The following GFRA2 variants were observed in gnomAD, a reference collection of about 807,000 sequenced individuals.
GFRA2 encodes the protein GDNF family receptor alpha 2.
A neutral mutation model predicts 48.3 loss-of-function variants in GFRA2; 17 were observed. That is an observed-to-expected ratio of 0.35 (90% CI 0.24 to 0.53). The LOEUF (loss-of-function observed/expected upper bound fraction) is 0.53. Ranked by LOEUF, GFRA2 falls within the 20% of genes least tolerant of loss-of-function variation. GFRA2 has a pLI of 0.93. For synonymous variants in GFRA2, 305 were observed against 257.2 expected (o/e 1.19, Z -1.78); for missense variants, 660 against 637.3 (o/e 1.04, Z -0.38).
intron 4 of GFRA2, among the ~76,000 whole-genome samples, chr8:21,730,403 CA>C (rs11327972): frequency 0.63 from 93,885 of 149,550 alleles, 31,238 homozygotes; most frequent in East Asian, 0.77. Context: ...AACTCTGTCT[CA>C]AAAAAAAAAC....
At position 21,788,725 on chromosome 8, in the gene GFRA2, A is replaced by G; in HGVS notation, c.-566T>C. 1.0e-6 allele frequency: 1 copy of G among 985,566 alleles called. No homozygotes were observed. Among genetic ancestry groups the G allele is most frequent in the Non-Finnish European group, 1.2e-6 (1 of 830,040 alleles). 61.1% of individuals were successfully genotyped at this position (985,566 alleles called of 1,614,324 possible). On this transcript the variant is annotated 5_prime_UTR_variant, in exon 1 of 9. Transcript: ENST00000524240. ...GCACCAAGACGAAGACAAGATTCAAAAAAATCTTCTCCCGCTAACCCTTGC... is the reference window on the plus strand; with the variant it reads ...GCACCAAGACGAAGACAAGATTCAAGAAAATCTTCTCCCGCTAACCCTTGC...
At chr8:21,715,583 T>A (rs4078157) in intron 4 of GFRA2, among the ~76,000 whole-genome samples, 2 of 152,004 alleles carry the variant, frequency 1.3e-5, no homozygotes, top group Non-Finnish European at 2.9e-5. Context: ...CAGGTGGTTC[T>A]ATTAAAGGCT....
chr8:21,713,590 C>T (rs1421195136), intron 4 of GFRA2, among the ~76,000 whole-genome samples: 2 of 151,986 alleles, frequency 1.3e-5, no homozygotes, highest in Non-Finnish European at 2.9e-5. Context: ...CAGAAGTCAT[C>T]TAGATTTGCG....
rs2117093909 is a variant in GFRA2, at chr8:21,788,123, G to C, written c.37C>G (p.Leu13Val). 6.4e-7 allele frequency: 1 copy of C among 1,569,792 alleles called. No homozygotes were observed. Among genetic ancestry groups the C allele is most frequent in the South Asian group, 1.1e-5 (1 of 88,302 alleles). ...LANVFCLFFF[L>V]DETLRSLASP... ...CTCGCCGCCCGCAGGTACTCACCTAGAAAGAAGAAGAGGCAGAAGACGTTT... is the reference window on the plus strand; with the variant it reads ...CTCGCCGCCCGCAGGTACTCACCTACAAAGAAGAAGAGGCAGAAGACGTTT... The change falls in exon 1 of 9, where the codon CTA (leucine) becomes GTA (valine). Residue 13 changes from leucine to valine, a missense_variant. By Grantham distance (32) the Leu-to-Val change is conservative. Transcript: ENST00000524240.
Position 21,763,950 on chromosome 8 carries a change from AACACACACACACACACACACACACAC to A in GFRA2, c.439+10996_439+11021del, listed in dbSNP as rs527247743. On this transcript the variant is annotated intron_variant, in intron 3 of 8. Coordinates refer to ENST00000524240, the MANE Select transcript of GFRA2 (RefSeq NM_001495.5). ...CCTGAGCAGCCAAAGGTCACTAGGTAACACACACACACACACACACACACACACACACACACACACACACACACACA... is the reference window on the plus strand; with the variant it reads ...CCTGAGCAGCCAAAGGTCACTAGGTAACACACACACACACACACACACACA... Among the ~76,000 whole-genome samples, 305 of 123,486 alleles carry A rather than the reference AACACACACACACACACACACACACAC, an allele frequency of 2.5e-3. 1 individual carries two copies. The highest frequency in any genetic ancestry group is 5.4e-3 in the African/African-American group (179 of 33,432). The allele number at this position is 123,486 out of a possible 152,430, so 81.0% of individuals were successfully genotyped here.
intron 2 of GFRA2, among the ~76,000 whole-genome samples, chr8:21,782,090 A>C (rs932603780): frequency 1.3e-5 from 2 of 151,832 alleles, no homozygotes; most frequent in Admixed American, 6.5e-5. Context: ...GCAGGGCAGC[A>C]GCCATAGCAG....
Position 21,750,497 on chromosome 8 carries a change from G to A in GFRA2, c.794+91C>T, listed in dbSNP as rs563058699. The A allele has an allele frequency of 1.1e-4, 79 of 694,210 alleles. No homozygotes were observed. The highest frequency in any genetic ancestry group is 1.5e-4 in the Non-Finnish European group (60 of 409,626). The allele number at this position is 694,210 out of a possible 1,614,324, so 43.0% of individuals were successfully genotyped here. On this transcript the variant is annotated intron_variant, in intron 4 of 8. Coordinates refer to ENST00000524240, the MANE Select transcript of GFRA2 (RefSeq NM_001495.5). This position sits in a 1 kb window ranked among gnomAD's most constrained non-coding sequence, Gnocchi z 5.7. ...TCTGCTGGACTCAGGGTCATAATTC[G>A]ATGCACCCAAGGAATGCAGAGAAAG...
At chr8:21,702,355 C>A (rs1802522183) in intron 7 of GFRA2, among the ~76,000 whole-genome samples, 1 of 152,196 alleles carries the variant, frequency 6.6e-6, no homozygotes, top group Non-Finnish European at 1.5e-5. Context: ...ATAACCAGAA[C>A]AGGCACATGC....
intron 4 of GFRA2, among the ~76,000 whole-genome samples, chr8:21,724,422 T>C (rs1182491586): frequency 6.6e-6 from 1 of 152,170 alleles, no homozygotes; most frequent in Non-Finnish European, 1.5e-5. Flanking sequence ...TATGCCAATC[T>C]GTGGCAGTGA....
At chr8:21,807,769 G>A (rs1807899415) in intron 1 of GFRA2, among the ~76,000 whole-genome samples, 1 of 152,186 alleles carries the variant, frequency 6.6e-6, no homozygotes, top group African/African-American at 2.4e-5. Flanking sequence ...TACAAGAAAG[G>A]ATACTGGGAG....
At chr8:21,737,527 G>A (rs936525639) in intron 4 of GFRA2, among the ~76,000 whole-genome samples, 2 of 152,124 alleles carry the variant, frequency 1.3e-5, no homozygotes, top group Non-Finnish European at 2.9e-5. Context: ...AGGAACAGGG[G>A]AGCCCCTGCC....
At chr8:21,724,234 G>A (rs548958717) in intron 4 of GFRA2, among the ~76,000 whole-genome samples, 3 of 152,078 alleles carry the variant, frequency 2.0e-5, no homozygotes, top group Admixed American at 2.0e-4. Context: ...TTGTGTGGGG[G>A]GCCTGGTGTT....
intron 4 of GFRA2, among the ~76,000 whole-genome samples, chr8:21,731,901 G>A (rs2117501869): frequency 6.6e-6 from 1 of 152,338 alleles, no homozygotes; most frequent in African/African-American, 2.4e-5. Flanking sequence ...AGCACCTGAA[G>A]GCATGGCGTA....
intron 4 of GFRA2, among the ~76,000 whole-genome samples, chr8:21,736,457 T>G (rs1376359636): frequency 2.6e-5 from 4 of 152,144 alleles, no homozygotes; most frequent in African/African-American, 9.7e-5. Context: ...TTGAAGATAA[T>G]TTCTAGTTTC....
chr8:21,738,884 C>T (rs149296897), intron 4 of GFRA2, among the ~76,000 whole-genome samples: 19 of 152,332 alleles, frequency 1.2e-4, no homozygotes, highest in Admixed American at 7.8e-4. Context: ...CAGAGCTCCA[C>T]GAAAGGCCTC....
intron 4 of GFRA2, among the ~76,000 whole-genome samples, chr8:21,713,256 A>G (rs1426250439): frequency 6.6e-6 from 1 of 151,790 alleles, no homozygotes; most frequent in African/African-American, 2.4e-5. Context: ...CAGTGGCTCG[A>G]TCTCGGCTCA....
intron 3 of GFRA2, among the ~76,000 whole-genome samples, chr8:21,771,841 A>C (rs1011179010): frequency 7.2e-5 from 11 of 151,858 alleles, no homozygotes; most frequent in Admixed American, 2.0e-4. Flanking sequence ...CCCCACAGAG[A>C]AGTGAAGGGG....
Position 21,724,694 on chromosome 8 carries a change from G to A in GFRA2, c.795-18653C>T, listed in dbSNP as rs1585257478. On this transcript the variant is annotated intron_variant, in intron 4 of 8. Coordinates refer to ENST00000524240, the MANE Select transcript of GFRA2 (RefSeq NM_001495.5). Reference sequence around the variant, plus strand: ...ACTCAGGGCCCTGAGACAATGGCAAGGCCGTGTACATAGAAACAACATAAA... The same window carrying A: ...ACTCAGGGCCCTGAGACAATGGCAAAGCCGTGTACATAGAAACAACATAAA... Among the ~76,000 whole-genome samples, 6 of 152,236 alleles carry A rather than the reference G, an allele frequency of 3.9e-5. 1 individual carries two copies. The highest frequency in any genetic ancestry group is 1.4e-4 in the African/African-American group (6 of 41,542).
At chr8:21,709,888 G>T (rs1166076131) in intron 4 of GFRA2, among the ~76,000 whole-genome samples, 1 of 152,240 alleles carries the variant, frequency 6.6e-6, no homozygotes, top group Non-Finnish European at 1.5e-5. Context: ...AGCATGAATG[G>T]GGAGTACATG....
Sources: allele counts gnomAD v4.1 joint callset (sites outside exome capture counted in the v4.1 genomes callset), GRCh38; gene constraint gnomAD v4.1.1; non-coding constraint Gnocchi (gnomAD v3.1); transcripts MANE v1.5; gene names NCBI Gene and HGNC (gene_info 2026-07-23, HGNC 2026-07-21).